KLHL5: variants seen among roughly 807,000 people sequenced by gnomAD.
KLHL5 encodes kelch like family member 5, also known as kelch-like protein 5.
In KLHL5, 48 loss-of-function variants were observed where a neutral mutation model predicts 77.7. The observed-to-expected ratio is 0.62, with a 90% confidence interval of 0.49 to 0.79. KLHL5 has a LOEUF of 0.79. Ranked by LOEUF, KLHL5 falls within the 30% of genes least tolerant of loss-of-function variation. KLHL5 has a pLI of 0.00. For synonymous variants in KLHL5, 260 were observed against 297.0 expected (o/e 0.88, Z 1.28); for missense variants, 723 against 859.7 (o/e 0.84, Z 1.99).
chr4:39,116,123 G>C (rs1043376518), intron 10 of KLHL5: 17 of 679,750 alleles, frequency 2.5e-5, no homozygotes, highest in Admixed American at 6.3e-5. Flanking sequence ...ACGAGGTCAG[G>C]AGTTCAAGAC....
In KLHL5 at chr4:39,070,675, T is replaced by C. The variant is rs1417079546; in HGVS notation, c.384-5290T>C. On this transcript the variant is annotated intron_variant, in intron 1 of 10. Transcript: ENST00000504108. ...TCATACTGGTTATTATTTAAGAAAA[T>C]TGGATTCTTATAAACAGCATTTAAC... is the stretch of plus-strand genomic sequence containing the variant. Among the ~76,000 whole-genome samples the C allele has an allele frequency of 5.3e-5, 8 of 152,158 alleles. No homozygotes were observed. In the South Asian group the frequency reaches 1.7e-3, roughly 31 times the overall value.
downstream of KLHL5, among the ~76,000 whole-genome samples, chr4:39,127,021 G>T (rs139188681): frequency 1.2e-4 from 18 of 152,120 alleles, no homozygotes; most frequent in African/African-American, 4.1e-4. Flanking sequence ...CTGCTTTAAG[G>T]TCCATAAATA....
Position 39,062,762 on chromosome 4 carries a change from G to T in KLHL5, c.110G>T (p.Gly37Val), listed in dbSNP as rs1226335886. 6.2e-7 allele frequency: 1 copy of T among 1,614,184 alleles called. No individual in the cohort carries two copies. Among genetic ancestry groups the T allele is most frequent in the African/African-American group, 1.3e-5 (1 of 75,064 alleles). ...SPNSTVDSQQ[G>V]EFWNRGQTGA... ...AATTCTACAGTTGACAGCCAGCAGG[G>T]AGAATTTTGGAACCGAGGACAGACT... Residue 37 changes from glycine to valine, a missense_variant, in exon 1 of 11, where the codon GGA (glycine) becomes GTA (valine). Physicochemically the swap from Gly to Val is moderately radical, Grantham distance 109. Coordinates refer to ENST00000504108, the MANE Select transcript of KLHL5 (RefSeq NM_015990.5).
intron 7 of KLHL5, 72 bp downstream of exon 7, chr4:39,103,583 C>T (rs1052334147): frequency 8.0e-7 from 1 of 1,257,102 alleles, no homozygotes; most frequent in Non-Finnish European, 1.2e-6. Context: ...CTGAACCAGG[C>T]AGAGGACCCG....
chr4:39,136,612 C>G, the KLHL5 span, among the ~76,000 whole-genome samples: 1 of 152,158 alleles, frequency 6.6e-6, no homozygotes, highest in African/African-American at 2.4e-5. Flanking sequence ...TGACCTGGCA[C>G]AGGGTCTCAG....
chr4:39,126,694 G>GT (rs1487237264), downstream of KLHL5: 1 of 454,640 alleles, frequency 2.2e-6, no homozygotes, highest in Non-Finnish European at 4.4e-6. Flanking sequence ...TTTAATTCAG[G>GT]TATTTTCACA....
At chr4:39,055,108 A>G (rs1344728267) in intron 1 of KLHL5, among the ~76,000 whole-genome samples, 3 of 152,214 alleles carry the variant, frequency 2.0e-5, no homozygotes, top group Non-Finnish European at 4.4e-5. Context: ...ATTCTAAGAG[A>G]CTAGGGAAAA....
At chr4:39,059,055 C>T (rs1717194314), upstream of KLHL5, among the ~76,000 whole-genome samples, 1 of 152,014 alleles carries the variant, frequency 6.6e-6, no homozygotes, top group Non-Finnish European at 1.5e-5. Flanking sequence ...ATTTTTAATA[C>T]GTATTGATCG....
intron 10 of KLHL5, among the ~76,000 whole-genome samples, chr4:39,119,539 T>C (rs1486429563): frequency 1.3e-5 from 2 of 152,166 alleles, no homozygotes; most frequent in African/African-American, 4.8e-5. Flanking sequence ...TGAGCCGAGA[T>C]GTGCCATTGC....
chr4:39,093,748 A>G (rs1037927417), intron 5 of KLHL5, among the ~76,000 whole-genome samples: 70 of 152,178 alleles, frequency 4.6e-4, no homozygotes, highest in African/African-American at 1.6e-3. Flanking sequence ...TCTACTAAAA[A>G]TACAAAAATT....
intron 7 of KLHL5, among the ~76,000 whole-genome samples, chr4:39,104,787 G>A (rs1309694317): frequency 1.3e-5 from 2 of 148,496 alleles, no homozygotes; most frequent in Admixed American, 1.3e-4. Context: ...TTTTTTTTGA[G>A]ACGGAGTCTC....
intron 1 of KLHL5, among the ~76,000 whole-genome samples, chr4:39,050,581 G>C (rs1716564112): frequency 6.6e-6 from 1 of 152,134 alleles, no homozygotes; most frequent in South Asian, 2.1e-4. Flanking sequence ...CTTGAAACTA[G>C]AGGCTTTAAC....
chr4:39,139,293 A>G, the KLHL5 span, among the ~76,000 whole-genome samples: 1 of 151,986 alleles, frequency 6.6e-6, no homozygotes, highest in African/African-American at 2.4e-5. Context: ...AAAAAAAAAA[A>G]AAAAAAGAAA....
the KLHL5 span, among the ~76,000 whole-genome samples, chr4:39,135,924 G>T: frequency 1.3e-5 from 2 of 151,500 alleles, no homozygotes; most frequent in Non-Finnish European, 1.5e-5. Flanking sequence ...ACAAACTGGC[G>T]TATATGTTTA....
upstream of KLHL5, chr4:39,044,998 C>T (rs1162177014): frequency 2.0e-5 from 20 of 992,110 alleles, no homozygotes; most frequent in Non-Finnish European, 2.4e-5. Context: ...GGCCGAGCAT[C>T]CCACTCAGCT....
intron 8 of KLHL5, among the ~76,000 whole-genome samples, chr4:39,108,156 TA>T (rs1459192596): frequency 1.3e-5 from 2 of 152,102 alleles, no homozygotes; most frequent in African/African-American, 2.4e-5. Flanking sequence ...TCTTGACTTT[TA>T]CCTCTTTTCT....
At chr4:39,107,306 C>T (rs909992520) in intron 7 of KLHL5, among the ~76,000 whole-genome samples, 3 of 152,056 alleles carry the variant, frequency 2.0e-5, no homozygotes, top group Admixed American at 2.0e-4. Context: ...CCTGGGACTC[C>T]CAAACCGCTG....
chr4:39,093,369 A>C (rs759053468), intron 5 of KLHL5: 1 of 455,506 alleles, frequency 2.2e-6, no homozygotes, highest in South Asian at 1.6e-5. Flanking sequence ...GTAAATGGGC[A>C]TGTGGGATCT....
rs1723415680 is a variant in KLHL5 at position 39,124,688 on chromosome 4, A to G, written c.*3622A>G. Among the ~76,000 whole-genome samples the G allele has an allele frequency of 6.6e-6, 1 of 151,924 alleles. No individual in the cohort carries two copies. Among genetic ancestry groups the G allele is most frequent in the Admixed American group, 6.6e-5 (1 of 15,228 alleles). On this transcript the variant is annotated 3_prime_UTR_variant, in exon 11 of 11. Coordinates refer to ENST00000504108, the MANE Select transcript of KLHL5 (RefSeq NM_015990.5). ...AATTCAAAATAGATCAAAGACCTAA[A>G]TGTAAGAGCTAAAACCATAAAACTT...
Sources: gnomAD v4.1 joint callset for allele counts (sites outside exome capture counted in the v4.1 genomes callset) on GRCh38, gnomAD v4.1.1 for gene constraint, MANE v1.5 for transcripts, NCBI Gene and HGNC (gene_info 2026-07-23, HGNC 2026-07-21) for gene names.